Variants in ADHFE1 observed in about 807,000 individuals in gnomAD.
ADHFE1 encodes the protein hydroxyacid-oxoacid transhydrogenase, mitochondrial.
ADHFE1 carries 37 observed loss-of-function variants against 54.8 expected under a neutral mutation model. The ratio of observed to expected loss-of-function variants is 0.68; its 90% CI spans 0.52 to 0.89. The LOEUF (loss-of-function observed/expected upper bound fraction) is 0.89, where lower values mean the gene tolerates loss of function less well. Ranked by LOEUF, ADHFE1 falls within the 40% of genes least tolerant of loss-of-function variation. The probability of loss-of-function intolerance (pLI) is 0.00; values close to 1 mark genes in which losing one functional copy is unlikely to be tolerated. For missense variants in ADHFE1, 601 were observed against 591.2 expected (o/e 1.02, Z -0.17); for synonymous variants, 203 against 229.3 (o/e 0.89, Z 1.04).
At chr8:66,444,203 G>A (rs138503583) in intron 3 of ADHFE1, among the ~76,000 whole-genome samples, 164 bp from the exon 4 acceptor site, 4 of 152,260 alleles carry the variant, frequency 2.6e-5, no homozygotes, top group East Asian at 1.9e-4. Context: ...AGTGTGGTGC[G>A]TCCACACTTC....
In ADHFE1 at chr8:66,468,898, C is replaced by G. The variant is rs1344695610; in HGVS notation, c.*546C>G. 1 of 152,102 alleles carries G rather than the reference C, an allele frequency of 6.6e-6. No individual in the cohort carries two copies. Among genetic ancestry groups the G allele is most frequent in the Non-Finnish European group, 1.5e-5 (1 of 68,040 alleles). 9.4% of individuals were successfully genotyped at this position (152,102 alleles called of 1,614,324 possible). ...TACTGTTAATAAAGATGAAGTAAAT[C>G]TCTTGGAAATGAGTCCATAATATAC... On this transcript the variant is annotated 3_prime_UTR_variant, in exon 14 of 14. Transcript: ENST00000396623.
intron 13 of ADHFE1, among the ~76,000 whole-genome samples, chr8:66,467,944 C>T (rs1807286502): frequency 6.6e-6 from 1 of 152,160 alleles, no homozygotes; most frequent in Non-Finnish European, 1.5e-5. Context: ...TCTGTGTGTA[C>T]AGAGAACCTG....
At chr8:66,433,142 C>T in intron 1 of ADHFE1, among the ~76,000 whole-genome samples, 1 of 152,134 alleles carries the variant, frequency 6.6e-6, no homozygotes, top group East Asian at 1.9e-4. Context: ...GCCTGCCTCC[C>T]AGCAGAAATG....
chr8:66,464,084 C>T (rs1421812910), intron 13 of ADHFE1, among the ~76,000 whole-genome samples: 1 of 152,134 alleles, frequency 6.6e-6, no homozygotes, highest in African/African-American at 2.4e-5. Flanking sequence ...GGTAGACAGG[C>T]CAGCTGAAAT....
At chr8:66,451,618 A>G (rs1210994122) in intron 8 of ADHFE1, among the ~76,000 whole-genome samples, 2 of 152,212 alleles carry the variant, frequency 1.3e-5, no homozygotes, top group Non-Finnish European at 2.9e-5. Context: ...TAAGGAAGTC[A>G]TTTTTTAGAT....
At chr8:66,441,454 C>G (rs1332276524) in intron 2 of ADHFE1, among the ~76,000 whole-genome samples, 2 of 152,198 alleles carry the variant, frequency 1.3e-5, no homozygotes, top group East Asian at 3.9e-4. Flanking sequence ...TTAAGGATGC[C>G]TTTGCACTCA....
chr8:66,457,772 A>ACG (rs56362799), intron 12 of ADHFE1, among the ~76,000 whole-genome samples: 85,815 of 151,890 alleles, frequency 0.56, 25,297 homozygotes, highest in African/African-American at 0.72. Context: ...TATTGAGAGT[A>ACG]TTTGTAGTAA....
At position 66,457,153 on chromosome 8, in the gene ADHFE1, G is replaced by A. The variant is rs778743868; in HGVS notation, c.1149G>A (p.Met383Ile). 1.1e-5 allele frequency: 18 copies of A among 1,613,134 alleles called. No homozygotes were observed. In the South Asian group the frequency reaches 1.8e-4, roughly 16 times the overall value. ...TGTTTCCAGAGCGACACCTGGAGAT[G>A]GCAGAAATACTGGGTATGAACCATT... is the stretch of plus-strand genomic sequence containing the variant. ...AQMFPERHLE[M>I]AEILGADTRT... Residue 383 changes from methionine (M) to isoleucine (I), a missense_variant, in exon 12 of 14, where the codon ATG becomes ATA. Coordinates refer to ENST00000396623, the MANE Select transcript of ADHFE1 (RefSeq NM_144650.3).
chr8:66,464,194 A>G (rs917930290), intron 13 of ADHFE1, among the ~76,000 whole-genome samples: 1 of 152,194 alleles, frequency 6.6e-6, no homozygotes, highest in African/African-American at 2.4e-5. Context: ...AAATAATAGC[A>G]CATCATTGCT....
chr8:66,444,667 A>G lies in ADHFE1; in HGVS notation c.272A>G (p.Gln91Arg), dbSNP rs1460997267. Residue 91 changes from glutamine (Q) to arginine (R), a missense_variant, in exon 5 of 14, where the codon CAA becomes CGA. Coordinates refer to ENST00000396623, the MANE Select transcript of ADHFE1 (RefSeq NM_144650.3). ...DKNLSKLPPVQVAMDSLVKNG... is the reference protein window; with the variant it reads ...DKNLSKLPPVRVAMDSLVKNG... The stretch of plus-strand genomic sequence containing the variant: ...AACCTCTCCAAGCTCCCTCCTGTGC[A>G]AGTAGCTATGGATTCCCTAGTGAAG... The G allele has an allele frequency of 3.7e-6, 6 of 1,614,248 alleles. No homozygotes were observed. The African/African-American group carries it at 6.7e-5, about 18-fold the overall frequency.
In ADHFE1 at chr8:66,439,958, G is replaced by T. The variant is rs549987136; in HGVS notation, c.60-204G>T. ...ATTCGTGAAAGAATGATGCTACAGC[G>T]CTGGGAAGACGCTGAGTCAACTTTT... On this transcript the variant is annotated intron_variant, in intron 1 of 13. Transcript: ENST00000396623. The surrounding 1 kb of genome is among the most constrained non-coding windows in gnomAD (Gnocchi z 4.4). Among the ~76,000 whole-genome samples, 3 of 152,336 alleles carry T rather than the reference G, an allele frequency of 2.0e-5. No homozygotes were observed. The highest frequency in any genetic ancestry group is 3.9e-4 in the East Asian group (2 of 5,190).
chr8:66,449,114 T>G, intron 8 of ADHFE1, 144 bp downstream of exon 8: 1 of 720,914 alleles, frequency 1.4e-6, no homozygotes, highest in Non-Finnish European at 2.3e-6. Flanking sequence ...CTGTCCTAAA[T>G]CAAACATTCA....
chr8:66,435,528 C>T (rs1805413122), intron 1 of ADHFE1, among the ~76,000 whole-genome samples: 1 of 151,788 alleles, frequency 6.6e-6, no homozygotes, highest in Admixed American at 6.6e-5. Context: ...CCCTCTGCCT[C>T]CCTTTTATAA....
chr8:66,449,465 G>T (rs190635004), intron 8 of ADHFE1, among the ~76,000 whole-genome samples: 57 of 152,334 alleles, frequency 3.7e-4, no homozygotes, highest in Non-Finnish European at 5.7e-4. Context: ...CATTGTGTTA[G>T]CACCTCACAT....
At chr8:66,459,410 T>TTATATATATATA (rs757679416) in intron 12 of ADHFE1, 32 of 131,532 alleles carry the variant, frequency 2.4e-4, no homozygotes, top group African/African-American at 3.2e-4. Context: ...TTAATTTTTA[T>TTATATATATATA]TATATATATA....
At chr8:66,461,079 G>C (rs1435539019) in intron 13 of ADHFE1, among the ~76,000 whole-genome samples, 1 of 152,174 alleles carries the variant, frequency 6.6e-6, no homozygotes, top group East Asian at 1.9e-4. Flanking sequence ...TTGCTCTTCT[G>C]AGGTTCTCAT....
At chr8:66,432,803 C>T in intron 1 of ADHFE1, 3 of 1,227,982 alleles carry the variant, frequency 2.4e-6, no homozygotes, top group Non-Finnish European at 3.0e-6. Flanking sequence ...TGCTTGTCTA[C>T]CGTTAAAGAA....
chr8:66,457,871 A>G (rs1490161019), intron 12 of ADHFE1, among the ~76,000 whole-genome samples: 1 of 152,202 alleles, frequency 6.6e-6, no homozygotes, highest in African/African-American at 2.4e-5. Flanking sequence ...TCGATAATAA[A>G]ATGAATCTGT....
chr8:66,448,714 T>C (rs973806066), intron 7 of ADHFE1, 151 bp from the exon 8 acceptor site: 1 of 746,690 alleles, frequency 1.3e-6, no homozygotes, highest in Non-Finnish European at 2.2e-6. Context: ...TGACTCTAAA[T>C]CACTTTCCAT....
Sources: gnomAD v4.1 joint callset for allele counts (sites outside exome capture counted in the v4.1 genomes callset) on GRCh38, gnomAD v4.1.1 for gene constraint, Gnocchi (gnomAD v3.1) non-coding constraint, MANE v1.5 for transcripts, NCBI Gene and HGNC (gene_info 2026-07-23, HGNC 2026-07-21) for gene names.